ROBO2: variants seen among roughly 807,000 people sequenced by gnomAD.
ROBO2 encodes roundabout homolog 2.
ROBO2 carries 53 observed loss-of-function variants against 160.8 expected under a neutral mutation model. That is an observed-to-expected ratio of 0.33 (90% CI 0.26 to 0.41). The LOEUF is 0.41. ROBO2 is among the 10% of genes least tolerant of loss of function. The probability of loss-of-function intolerance (pLI) is 1.00; values close to 1 mark genes in which losing one functional copy is unlikely to be tolerated. For synonymous variants in ROBO2, 664 were observed against 611.7 expected (o/e 1.09, Z -1.26); for missense variants, 1,577 against 1,722.4 (o/e 0.92, Z 1.49).
intron 2 of ROBO2, among the ~76,000 whole-genome samples, chr3:76,598,955 A>T (rs2086915156): frequency 6.6e-6 from 1 of 152,202 alleles, no homozygotes; most frequent in Non-Finnish European, 1.5e-5. Context: ...CTATTCCATT[A>T]TTCTGTAACT....
At chr3:75,990,606 G>A (rs2107508754) in intron 2 of ROBO2, among the ~76,000 whole-genome samples, 1 of 152,120 alleles carries the variant, frequency 6.6e-6, no homozygotes, top group East Asian at 1.9e-4. Flanking sequence ...TGCTAAAATG[G>A]AAATAAGTAA....
chr3:77,274,628 A>T (rs921484000), intron 2 of ROBO2, among the ~76,000 whole-genome samples: 2 of 152,138 alleles, frequency 1.3e-5, no homozygotes, highest in African/African-American at 4.8e-5. Context: ...CATAGAGTAG[A>T]GATTGAATTA....
intron 2 of ROBO2, among the ~76,000 whole-genome samples, chr3:76,568,366 C>T (rs2084734256): frequency 6.6e-6 from 1 of 151,972 alleles, no homozygotes; most frequent in Non-Finnish European, 1.5e-5. Flanking sequence ...GGTGCGATCT[C>T]GGCTCACTGC....
At chr3:76,717,426 G>T (rs771190628) in intron 2 of ROBO2, among the ~76,000 whole-genome samples, 1 of 151,618 alleles carries the variant, frequency 6.6e-6, no homozygotes, top group Non-Finnish European at 1.5e-5. Context: ...GGGAGGTGGA[G>T]GTTGCAGTGA....
At chr3:76,115,116 C>A (rs1209193294) in intron 2 of ROBO2, among the ~76,000 whole-genome samples, 1 of 152,076 alleles carries the variant, frequency 6.6e-6, no homozygotes. Context: ...TCGCATAAAT[C>A]ACTGTAAGAT....
At chr3:77,428,751 G>A (rs2078476700) in intron 2 of ROBO2, among the ~76,000 whole-genome samples, 1 of 152,152 alleles carries the variant, frequency 6.6e-6, no homozygotes, top group South Asian at 2.1e-4. Flanking sequence ...CTATTGCTTG[G>A]CAAAGTTGTA....
At chr3:76,018,084 T>C (rs994260487) in intron 2 of ROBO2, among the ~76,000 whole-genome samples, 4 of 152,018 alleles carry the variant, frequency 2.6e-5, no homozygotes, top group Non-Finnish European at 4.4e-5. Flanking sequence ...GGGTATGCTT[T>C]GAAATACTAT....
intron 2 of ROBO2, among the ~76,000 whole-genome samples, chr3:76,988,198 G>A (rs2060487346): frequency 6.6e-6 from 1 of 152,048 alleles, no homozygotes; most frequent in Admixed American, 6.6e-5. Context: ...CTAAAGGTAA[G>A]GCTTTTTTGC....
intron 2 of ROBO2, among the ~76,000 whole-genome samples, chr3:77,117,045 C>T (rs73095827): frequency 0.06 from 9,069 of 152,128 alleles, 313 homozygotes; most frequent in Middle Eastern, 0.12. Context: ...AGAAATCAGA[C>T]GAGTTCTGCA....
chr3:75,915,189 T>C (rs1175715651), intron 1 of ROBO2, among the ~76,000 whole-genome samples: 3 of 152,200 alleles, frequency 2.0e-5, no homozygotes, highest in African/African-American at 7.2e-5. Context: ...GAATGTTTGC[T>C]TATGGAACAT....
intron 1 of ROBO2, among the ~76,000 whole-genome samples, chr3:77,091,793 A>G (rs979055214): frequency 6.6e-5 from 10 of 151,948 alleles, no homozygotes; most frequent in Non-Finnish European, 1.3e-4. Context: ...ATCCTGGCCA[A>G]TATGACGAAA....
At chr3:76,017,837 T>C (rs939225679) in intron 2 of ROBO2, among the ~76,000 whole-genome samples, 2 of 152,090 alleles carry the variant, frequency 1.3e-5, no homozygotes, top group African/African-American at 2.4e-5. Flanking sequence ...ATTGATCCAA[T>C]TGAATAAAAC....
intron 1 of ROBO2, among the ~76,000 whole-genome samples, chr3:77,086,349 G>A (rs1465188739): frequency 6.6e-6 from 1 of 152,104 alleles, no homozygotes; most frequent in East Asian, 1.9e-4. Flanking sequence ...GACTGATACT[G>A]CTATGTTTTA....
intron 2 of ROBO2, among the ~76,000 whole-genome samples, chr3:77,306,691 A>G (rs1319066772): frequency 6.6e-6 from 1 of 152,218 alleles, no homozygotes; most frequent in Non-Finnish European, 1.5e-5. Context: ...AACTTATGTC[A>G]GTCCATATAT....
intron 2 of ROBO2, among the ~76,000 whole-genome samples, chr3:76,438,239 A>G (rs775073742): frequency 3.9e-5 from 6 of 152,168 alleles, no homozygotes; most frequent in Non-Finnish European, 7.3e-5. Flanking sequence ...CATATATTTT[A>G]TCTAAAATAT....
chr3:76,346,895 A>G (rs1237417630), intron 2 of ROBO2, among the ~76,000 whole-genome samples: 1 of 152,140 alleles, frequency 6.6e-6, no homozygotes, highest in Non-Finnish European at 1.5e-5. Context: ...GCCACTTTGC[A>G]TCAATTGAGA....
intron 1 of ROBO2, among the ~76,000 whole-genome samples, chr3:77,075,672 C>CTTTTTTTTTT (rs1174587812): frequency 5.3e-4 from 46 of 87,256 alleles, no homozygotes; most frequent in East Asian, 3.1e-3. Flanking sequence ...TTTCTTTCTC[C>CTTTTTTTTTT]TTTTTTTTTT....
chr3:77,455,952 A>G (rs1207011282), intron 2 of ROBO2, among the ~76,000 whole-genome samples: 1 of 152,150 alleles, frequency 6.6e-6, no homozygotes, highest in Non-Finnish European at 1.5e-5. Context: ...TGCAAAGTAA[A>G]TGCAAATGTT....
intron 20 of ROBO2, among the ~76,000 whole-genome samples, chr3:77,605,000 T>C (rs1299063219): frequency 2.0e-5 from 3 of 151,526 alleles, no homozygotes; most frequent in Non-Finnish European, 4.4e-5. Context: ...ACCCCATCTC[T>C]GAAAAAAATA....
Sources: gnomAD v4.1 joint callset for allele counts (sites outside exome capture counted in the v4.1 genomes callset) on GRCh38, gnomAD v4.1.1 for gene constraint, MANE v1.5 for transcripts, NCBI Gene and HGNC (gene_info 2026-07-23, HGNC 2026-07-21) for gene names.